Variants in RBFOX1 observed in about 807,000 individuals in gnomAD.
The protein encoded by RBFOX1 is RNA binding protein fox-1 homolog 1.
Under a neutral mutation model 57.7 loss-of-function variants are expected in RBFOX1, and 8 were observed. The observed-to-expected ratio is 0.14, with a 90% CI of 0.08 to 0.25. The LOEUF (loss-of-function observed/expected upper bound fraction) is 0.25. Ranked by LOEUF, RBFOX1 falls within the 10% of genes least tolerant of loss-of-function variation. RBFOX1 has a pLI of 1.00. For synonymous variants in RBFOX1, 326 were observed against 222.4 expected (o/e 1.47, Z -4.15); for missense variants, 611 against 548.5 (o/e 1.11, Z -1.14).
At chr16:7,273,918 C>T (rs1029392418) in intron 4 of RBFOX1, among the ~76,000 whole-genome samples, 1 of 152,166 alleles carries the variant, frequency 6.6e-6, no homozygotes, top group Admixed American at 6.5e-5. Context: ...TCATTGATTG[C>T]TTCTGTTTTT....
chr16:7,346,249 C>G (rs1461062606), intron 4 of RBFOX1, among the ~76,000 whole-genome samples: 5 of 151,916 alleles, frequency 3.3e-5, no homozygotes, highest in Non-Finnish European at 7.4e-5. Flanking sequence ...TGGTTTGGTT[C>G]CAAGCAATGC....
chr16:7,099,271 C>G (rs1450248227), intron 4 of RBFOX1, among the ~76,000 whole-genome samples: 1 of 152,150 alleles, frequency 6.6e-6, no homozygotes, highest in African/African-American at 2.4e-5. Flanking sequence ...ATCACTCTAG[C>G]TGCAGTGGGA....
At chr16:7,148,419 C>G (rs993978171) in intron 4 of RBFOX1, among the ~76,000 whole-genome samples, 1 of 152,190 alleles carries the variant, frequency 6.6e-6, no homozygotes, top group Non-Finnish European at 1.5e-5. Context: ...TTCACCTCAT[C>G]TTAAGTTCCT....
intron 1 of RBFOX1, among the ~76,000 whole-genome samples, chr16:5,254,556 A>C (rs1169412515): frequency 6.6e-6 from 1 of 152,200 alleles, no homozygotes; most frequent in African/African-American, 2.4e-5. Context: ...TCAGTTATGC[A>C]AAATTAACAC....
intron 2 of RBFOX1, among the ~76,000 whole-genome samples, chr16:5,574,734 C>T (rs1238923075): frequency 6.6e-6 from 1 of 152,126 alleles, no homozygotes; most frequent in African/African-American, 2.4e-5. Context: ...TCTCTCACTC[C>T]TCCCTGTTTT....
rs138577829 is a variant in RBFOX1, at chr16:6,214,461, C to T, written c.-126-102534C>T. On this transcript the variant is annotated intron_variant, in intron 1 of 15. Coordinates refer to ENST00000550418, the MANE Select transcript of RBFOX1 (RefSeq NM_018723.4). ...AGGACAGAGAAGGTGAGAGGGAGAG[C>T]GACAGGGAGAAAAGGAGAGGGGGAG... 8.4e-4 allele frequency among the ~76,000 whole-genome samples: 67 copies of T among 80,040 alleles called. No individual in the cohort carries two copies. The East Asian group carries it at 8.9e-3, about 11-fold the overall frequency. 52.5% of individuals were successfully genotyped at this position (80,040 alleles called of 152,430 possible).
chr16:6,698,550 C>T (rs775623482), intron 3 of RBFOX1, among the ~76,000 whole-genome samples: 12 of 152,144 alleles, frequency 7.9e-5, no homozygotes, highest in African/African-American at 1.4e-4. Flanking sequence ...TTTTTGTTTG[C>T]TCTTCTGAAG....
chr16:6,598,044 T>A (rs541341896), intron 2 of RBFOX1, among the ~76,000 whole-genome samples: 2 of 152,208 alleles, frequency 1.3e-5, no homozygotes, highest in African/African-American at 2.4e-5. Context: ...ATCTTTATGG[T>A]TATAGTCACT....
In RBFOX1 at chr16:6,527,953, G is replaced by A. The variant is rs559410195; in HGVS notation, c.-63-126650G>A. ...TTGTTGTCCCTTTTCCCATGGCATC[G>A]CTGAACCGTCATTTCCTATTCATGT... is the stretch of plus-strand genomic sequence containing the variant. On this transcript the variant is annotated intron_variant, in intron 2 of 15. Coordinates refer to ENST00000550418, the MANE Select transcript of RBFOX1 (RefSeq NM_018723.4). 7.2e-5 allele frequency among the ~76,000 whole-genome samples: 11 copies of A among 152,112 alleles called. No individual in the cohort carries two copies. In the South Asian group the frequency reaches 2.1e-3, roughly 29 times the overall value.
intron 3 of RBFOX1, among the ~76,000 whole-genome samples, chr16:5,637,993 C>T (rs1263845863): frequency 6.6e-6 from 1 of 152,218 alleles, no homozygotes; most frequent in Non-Finnish European, 1.5e-5. Flanking sequence ...TCGGAAGTCC[C>T]CTGACTATTC....
At chr16:5,446,258 C>T (rs931705010) in intron 1 of RBFOX1, among the ~76,000 whole-genome samples, 11 of 152,074 alleles carry the variant, frequency 7.2e-5, no homozygotes, top group African/African-American at 2.7e-4. Context: ...TTGCTGGCTT[C>T]TGTGGGCAAA....
rs139283526 is a variant in RBFOX1 at position 6,128,291 on chromosome 16, C to T, written c.-127+108299C>T. Among the ~76,000 whole-genome samples, 247 of 152,066 alleles carry T rather than the reference C, an allele frequency of 1.6e-3. No homozygotes were observed. In the Middle Eastern group the frequency reaches 0.024, roughly 15 times the overall value. ...ATGCAGCTATTAGAAAATTTAAAAT[C>T]GTATATATCTTACATTATGTTTTTA... On this transcript the variant is annotated intron_variant, in intron 1 of 15. Transcript: ENST00000550418.
intron 4 of RBFOX1, among the ~76,000 whole-genome samples, chr16:7,076,171 A>G (rs1468769050): frequency 1.3e-5 from 2 of 151,074 alleles, no homozygotes; most frequent in Non-Finnish European, 2.9e-5. Context: ...CCTCTCGAGT[A>G]CCTAGAACTA....
At chr16:5,862,898 G>A (rs2057258109) in intron 3 of RBFOX1, among the ~76,000 whole-genome samples, 1 of 152,174 alleles carries the variant, frequency 6.6e-6, no homozygotes, top group South Asian at 2.1e-4. Context: ...CATCTCAGAA[G>A]GGGTTCAGGG....
At chr16:5,755,698 A>G (rs938118820) in intron 3 of RBFOX1, among the ~76,000 whole-genome samples, 3 of 152,206 alleles carry the variant, frequency 2.0e-5, no homozygotes, top group Admixed American at 2.0e-4. Context: ...TACCAGGTTC[A>G]AGCGATTCTC....
intron 2 of RBFOX1, among the ~76,000 whole-genome samples, chr16:6,430,222 T>C (rs962652117): frequency 6.6e-6 from 1 of 152,154 alleles, no homozygotes; most frequent in African/African-American, 2.4e-5. Context: ...ATACACCTAC[T>C]GTGTGCTGGC....
intron 1 of RBFOX1, among the ~76,000 whole-genome samples, chr16:6,212,110 G>A (rs1021884552): frequency 1.3e-5 from 2 of 151,908 alleles, no homozygotes; most frequent in Non-Finnish European, 2.9e-5. Flanking sequence ...TGCCAACCTC[G>A]GCCTCCCAAT....
chr16:5,590,078 A>AC (rs1567267363), intron 2 of RBFOX1, among the ~76,000 whole-genome samples: 16 of 148,618 alleles, frequency 1.1e-4, no homozygotes, highest in East Asian at 2.1e-4. Context: ...CACACACACA[A>AC]AAAGGGCAGC....
At chr16:7,646,672 T>C (rs932686343) in intron 11 of RBFOX1, among the ~76,000 whole-genome samples, 4 of 152,240 alleles carry the variant, frequency 2.6e-5, no homozygotes, top group Non-Finnish European at 5.9e-5. Context: ...TGTATATTTT[T>C]ATGGCTTTGG....
Sources: allele counts gnomAD v4.1 joint callset (sites outside exome capture counted in the v4.1 genomes callset), GRCh38; gene constraint gnomAD v4.1.1; transcripts MANE v1.5; gene names NCBI Gene and HGNC (gene_info 2026-07-23, HGNC 2026-07-21).